Variants in XKR4 observed in about 807,000 individuals in gnomAD.
XKR4 encodes XK related 4.
A neutral mutation model predicts 53.9 loss-of-function variants in XKR4; 12 were observed. That is an observed-to-expected ratio of 0.22 (90% CI 0.14 to 0.36). The LOEUF is 0.36. Among genes scored for constraint, XKR4 ranks in the 10% least tolerant of loss-of-function variants. XKR4 has a pLI of 1.00. For synonymous variants in XKR4, 354 were observed against 362.4 expected (o/e 0.98, Z 0.26); for missense variants, 799 against 859.5 (o/e 0.93, Z 0.88).
intron 2 of XKR4, among the ~76,000 whole-genome samples, chr8:55,469,369 T>C (rs1805837633): frequency 6.6e-6 from 1 of 152,142 alleles, no homozygotes; most frequent in Non-Finnish European, 1.5e-5. Flanking sequence ...TCCCCATGCT[T>C]ATGCCCAGTG....
At chr8:55,184,209 G>A (rs1817348884) in intron 1 of XKR4, among the ~76,000 whole-genome samples, 1 of 152,060 alleles carries the variant, frequency 6.6e-6, no homozygotes, top group Non-Finnish European at 1.5e-5. Flanking sequence ...ATACCTTTCT[G>A]ACCCCAGATG....
At chr8:55,213,856 C>CTTTTTTTTTTTTTTTTTTTTTTTTTTT (rs11433893) in intron 1 of XKR4, among the ~76,000 whole-genome samples, 1 of 82,348 alleles carries the variant, frequency 1.2e-5, no homozygotes, top group Non-Finnish European at 2.2e-5. Context: ...TTCTTTCTTT[C>CTTTTTTTTTTTTTTTTTTTTTTTTTTT]TTTTTTTTTT....
At chr8:55,453,859 C>T in intron 2 of XKR4, 1 of 533,824 alleles carries the variant, frequency 1.9e-6, no homozygotes, top group Non-Finnish European at 3.6e-6. Flanking sequence ...GCTCATCAAA[C>T]AGGTCCGTGG....
intron 1 of XKR4, among the ~76,000 whole-genome samples, chr8:55,319,138 A>G (rs1803166504): frequency 6.6e-6 from 1 of 152,204 alleles, no homozygotes; most frequent in Non-Finnish European, 1.5e-5. Flanking sequence ...GAAAAGAGAG[A>G]AATACACTGA....
At chr8:55,522,243 A>G (rs565331865) in intron 2 of XKR4, among the ~76,000 whole-genome samples, 10 of 152,352 alleles carry the variant, frequency 6.6e-5, no homozygotes, top group African/African-American at 2.4e-4. Flanking sequence ...TTTAGAGGGA[A>G]TACCAACCAA....
intron 1 of XKR4, among the ~76,000 whole-genome samples, chr8:55,162,294 ATCCAGCACTG>A (rs1296190389): frequency 1.3e-5 from 2 of 152,204 alleles, no homozygotes; most frequent in Non-Finnish European, 2.9e-5. Context: ...TGTCCTTGAC[ATCCAGCACTG>A]TCCAGCACTG....
intron 1 of XKR4, among the ~76,000 whole-genome samples, chr8:55,324,538 A>G (rs11985282): frequency 1.8e-3 from 276 of 152,230 alleles, no homozygotes; most frequent in African/African-American, 6.4e-3. Context: ...CAAACATGCC[A>G]TTTTCCTCTG....
At chr8:55,217,025 G>A (rs1817810688) in intron 1 of XKR4, among the ~76,000 whole-genome samples, 1 of 151,856 alleles carries the variant, frequency 6.6e-6, no homozygotes, top group African/African-American at 2.4e-5. Flanking sequence ...GGTGGATCAC[G>A]AGGTCAGGAG....
chr8:55,103,327 GCTGCTGCTA>G (rs2129350137), intron 1 of XKR4, 33 bp downstream of exon 1: 1 of 1,558,374 alleles, frequency 6.4e-7, no homozygotes, highest in Non-Finnish European at 8.7e-7. Context: ...AGGGAGGCTT[GCTGCTGCTA>G]CTACATCCCC....
chr8:55,281,163 G>A (rs1818840404), intron 1 of XKR4, among the ~76,000 whole-genome samples: 1 of 152,154 alleles, frequency 6.6e-6, no homozygotes, highest in African/African-American at 2.4e-5. Flanking sequence ...CTTTCCCTCT[G>A]CAGGAGCTGG....
intron 1 of XKR4, among the ~76,000 whole-genome samples, chr8:55,278,163 T>C (rs1176632862): frequency 6.6e-6 from 1 of 152,046 alleles, no homozygotes; most frequent in Non-Finnish European, 1.5e-5. Flanking sequence ...GGCAAAACCC[T>C]GTCCCTACTA....
intron 2 of XKR4, among the ~76,000 whole-genome samples, chr8:55,406,341 T>C (rs1236363824): frequency 1.3e-5 from 2 of 152,082 alleles, no homozygotes; most frequent in Non-Finnish European, 2.9e-5. Context: ...CTATCAGCAT[T>C]AACTGTGCTC....
Position 55,251,164 on chromosome 8 carries a change from G to A in XKR4, c.807-106514G>A, listed in dbSNP as rs377763573. Among the ~76,000 whole-genome samples, 350 of 152,296 alleles carry A rather than the reference G, an allele frequency of 2.3e-3. 14 individuals are homozygous for A. The South Asian group carries it at 0.068, about 30-fold the overall frequency. ...GGTGTATGTGTAGGTATAGATATGC[G>A]TGTAGGTGTATATTTAAGTATCGGT... On this transcript the variant is annotated intron_variant, in intron 1 of 2. Coordinates refer to ENST00000327381, the MANE Select transcript of XKR4 (RefSeq NM_052898.2).
intron 2 of XKR4, among the ~76,000 whole-genome samples, chr8:55,491,298 G>T (rs1312113045): frequency 6.6e-6 from 1 of 151,842 alleles, no homozygotes; most frequent in Non-Finnish European, 1.5e-5. Context: ...ATTATTTCAG[G>T]TTATGTTTCT....
intron 1 of XKR4, among the ~76,000 whole-genome samples, chr8:55,247,860 T>TTCTTTCTTTCTTTCTTTCTTTC (rs760867461): frequency 7.3e-4 from 77 of 105,394 alleles, no homozygotes; most frequent in East Asian, 2.4e-3. Flanking sequence ...TCTTTCTTTT[T>TTCTTTCTTTCTTTCTTTCTTTC]TTTTTTTTTT....
At chr8:55,295,346 G>T (rs1819087048) in intron 1 of XKR4, among the ~76,000 whole-genome samples, 1 of 152,182 alleles carries the variant, frequency 6.6e-6, no homozygotes, top group Admixed American at 6.5e-5. Context: ...TTTCTTCTAG[G>T]AGATAGATTC....
intron 1 of XKR4, among the ~76,000 whole-genome samples, chr8:55,206,943 A>G (rs573169830): frequency 2.6e-5 from 4 of 152,366 alleles, no homozygotes; most frequent in African/African-American, 9.6e-5. Flanking sequence ...TAACTGACAC[A>G]TATTAGAAGA....
chr8:55,482,343 C>G (rs1806122982), intron 2 of XKR4, among the ~76,000 whole-genome samples: 1 of 151,924 alleles, frequency 6.6e-6, no homozygotes, highest in African/African-American at 2.4e-5. Flanking sequence ...GGGAATTAAA[C>G]AATGAGAACA....
chr8:55,448,900 G>A (rs1371511146), intron 2 of XKR4, among the ~76,000 whole-genome samples: 2 of 152,168 alleles, frequency 1.3e-5, no homozygotes, highest in African/African-American at 4.8e-5. Flanking sequence ...AATAAAGAGA[G>A]TGTTACTGGA....
Sources: gnomAD v4.1 joint callset for allele counts (sites outside exome capture counted in the v4.1 genomes callset) on GRCh38, gnomAD v4.1.1 for gene constraint, MANE v1.5 for transcripts, NCBI Gene and HGNC (gene_info 2026-07-23, HGNC 2026-07-21) for gene names.